LHFPL1: variants seen among roughly 807,000 people sequenced by gnomAD.
LHFPL1 encodes the protein LHFPL tetraspan subfamily member 1 protein.
A neutral mutation model predicts 12.1 loss-of-function variants in LHFPL1; 4 were observed. That is an observed-to-expected ratio of 0.33 (90% CI 0.16 to 0.76). The LOEUF (loss-of-function observed/expected upper bound fraction) is 0.76, where lower values mean the gene tolerates loss of function less well. Among genes scored for constraint, LHFPL1 ranks in the 30% least tolerant of loss-of-function variants. LHFPL1 has a pLI of 0.61. For synonymous variants in LHFPL1, 52 were observed against 61.9 expected (o/e 0.84, Z 0.75); for missense variants, 141 against 174.1 (o/e 0.81, Z 1.07).
chrX:112,633,527 T>C (rs772780443), intron 3 of LHFPL1, among the ~76,000 whole-genome samples: 2 of 112,159 alleles, frequency 1.8e-5, no homozygotes, highest in East Asian at 2.8e-4. Flanking sequence ...TTCAGTGAAG[T>C]TTTCTCTGAC....
chrX:112,647,237 G>C (rs1283317918), intron 3 of LHFPL1, among the ~76,000 whole-genome samples: 2 of 111,888 alleles, frequency 1.8e-5, no homozygotes, highest in East Asian at 2.8e-4. Flanking sequence ...AGAAAACCTA[G>C]GCAATACCAT....
intron 3 of LHFPL1, among the ~76,000 whole-genome samples, chrX:112,640,699 A>G (rs1930477443): frequency 9.0e-6 from 1 of 111,657 alleles, no homozygotes; most frequent in South Asian, 3.8e-4. Flanking sequence ...GAGAAGGAAG[A>G]TAGATTCTAG....
chrX:112,635,336 T>C (rs1190787097), intron 3 of LHFPL1, among the ~76,000 whole-genome samples: 1 of 112,621 alleles, frequency 8.9e-6, no homozygotes, highest in African/African-American at 3.2e-5. Context: ...GGGAACTGAG[T>C]TTCAGAAAGG....
At chrX:112,648,594 A>G (rs1438257649) in intron 3 of LHFPL1, 1 of 111,445 alleles carries the variant, frequency 9.0e-6, no homozygotes, top group Non-Finnish European at 1.9e-5. Flanking sequence ...TTTGACTTCT[A>G]CCTTAATAGA....
chrX:112,632,312 G>A (rs1930212896), intron 3 of LHFPL1, among the ~76,000 whole-genome samples: 3 of 111,741 alleles, frequency 2.7e-5, no homozygotes, highest in Non-Finnish European at 5.6e-5. Flanking sequence ...AAGGTAATGG[G>A]AAAGGTCACC....
At chrX:112,646,071 G>C (rs1280855610) in intron 3 of LHFPL1, among the ~76,000 whole-genome samples, 2 of 111,434 alleles carry the variant, frequency 1.8e-5, no homozygotes, top group Non-Finnish European at 3.8e-5. Context: ...TTCAGTGCAG[G>C]TTCCCGGTTA....
At chrX:112,673,720 A>G (rs965359964) in intron 1 of LHFPL1, among the ~76,000 whole-genome samples, 1 of 111,970 alleles carries the variant, frequency 8.9e-6, no homozygotes, top group African/African-American at 3.3e-5. Context: ...AAGGGTACAC[A>G]GTGATTCAAC....
At chrX:112,664,141 AGTT>A (rs1260301954) in intron 2 of LHFPL1, among the ~76,000 whole-genome samples, 7 of 112,313 alleles carry the variant, frequency 6.2e-5, no homozygotes, top group South Asian at 3.7e-4. Context: ...GTATGTAAAT[AGTT>A]GTTGTATTCT....
At chrX:112,658,817 T>C (rs1247519135) in intron 3 of LHFPL1, among the ~76,000 whole-genome samples, 2 of 111,864 alleles carry the variant, frequency 1.8e-5, no homozygotes, top group African/African-American at 6.5e-5. Context: ...CAAAAATGTG[T>C]ACACAAATAT....
At chrX:112,661,510 C>T (rs1954386301) in intron 2 of LHFPL1, 1 of 111,633 alleles carries the variant, frequency 9.0e-6, no homozygotes, top group South Asian at 3.8e-4. Context: ...TGCCTCTGGC[C>T]ACAGAGGATT....
chrX:112,672,339 C>G (rs1290122393), intron 1 of LHFPL1, among the ~76,000 whole-genome samples: 1 of 111,563 alleles, frequency 9.0e-6, no homozygotes, highest in African/African-American at 3.3e-5. Flanking sequence ...GTAATCAAGA[C>G]GCTGAGAGTC....
At chrX:112,655,988 G>A (rs1427169907) in intron 3 of LHFPL1, among the ~76,000 whole-genome samples, 2 of 112,001 alleles carry the variant, frequency 1.8e-5, no homozygotes, top group Admixed American at 1.9e-4. Context: ...CTTAATCAAA[G>A]TAGAATCATA....
intron 3 of LHFPL1, among the ~76,000 whole-genome samples, chrX:112,644,750 T>A (rs1930638127): frequency 8.9e-6 from 1 of 112,135 alleles, no homozygotes; most frequent in Admixed American, 9.4e-5. Flanking sequence ...GCCATGGTTG[T>A]TTCTACCACA....
intron 1 of LHFPL1, among the ~76,000 whole-genome samples, chrX:112,674,243 A>G (rs1198031726): frequency 8.9e-6 from 1 of 111,849 alleles, no homozygotes; most frequent in Non-Finnish European, 1.9e-5. Flanking sequence ...AGCCACATGT[A>G]GGAGAATGAA....
intron 3 of LHFPL1, among the ~76,000 whole-genome samples, chrX:112,656,921 T>C (rs1931020945): frequency 8.9e-6 from 1 of 112,400 alleles, no homozygotes; most frequent in Admixed American, 9.4e-5. Context: ...TGTTGGTGCC[T>C]GACTGAGAGC....
rs189631644 is a variant in LHFPL1 at position 112,652,906 on chromosome X, T to C, written c.481+7721A>G. Among the ~76,000 whole-genome samples the C allele has an allele frequency of 2.7e-5, 3 of 112,081 alleles. No homozygotes were observed. The East Asian group carries it at 8.4e-4, about 31-fold the overall frequency. Reference sequence around the variant, plus strand: ...TAGCACAATCACCATAATAAGTGTATACAACATTTTTAAGACCTCCAAATT... The same window carrying C: ...TAGCACAATCACCATAATAAGTGTACACAACATTTTTAAGACCTCCAAATT... On this transcript the variant is annotated intron_variant, in intron 3 of 3. Coordinates refer to ENST00000371968, the MANE Select transcript of LHFPL1 (RefSeq NM_178175.4).
intron 1 of LHFPL1, among the ~76,000 whole-genome samples, chrX:112,672,958 AAGC>A (rs1474509199): frequency 3.6e-5 from 4 of 111,794 alleles, no homozygotes; most frequent in African/African-American, 1.3e-4. Context: ...GTAAGTTAGC[AAGC>A]AGCAACATCA....
At chrX:112,670,615 C>A (rs1339309066) in intron 2 of LHFPL1, among the ~76,000 whole-genome samples, 2 of 112,422 alleles carry the variant, frequency 1.8e-5, no homozygotes, top group Admixed American at 1.9e-4. Context: ...GATCACTGTT[C>A]TCTGAGATAA....
chrX:112,670,636 G>T (rs2147729925), intron 2 of LHFPL1, among the ~76,000 whole-genome samples: 1 of 112,464 alleles, frequency 8.9e-6, no homozygotes, highest in East Asian at 2.8e-4. Flanking sequence ...CTACCAGAGA[G>T]CAGGGCTCCT....
Sources: allele counts gnomAD v4.1 joint callset (sites outside exome capture counted in the v4.1 genomes callset), GRCh38; gene constraint gnomAD v4.1.1; transcripts MANE v1.5; gene names NCBI Gene and HGNC (gene_info 2026-07-23, HGNC 2026-07-21).